Variants in STAU2 observed in about 807,000 individuals in gnomAD.
The protein encoded by STAU2 is staufen double-stranded RNA binding protein 2, also known as double-stranded RNA-binding protein Staufen homolog 2.
In STAU2, 20 loss-of-function variants were observed where a neutral mutation model predicts 65.9. The ratio of observed to expected loss-of-function variants is 0.30; its 90% CI spans 0.21 to 0.44. STAU2 has a LOEUF of 0.44. Among genes scored for constraint, STAU2 ranks in the 20% least tolerant of loss-of-function variants. STAU2 has a pLI of 1.00. For missense variants in STAU2, 558 were observed against 683.9 expected, an observed-to-expected ratio of 0.82 and a Z score of 2.05; for synonymous variants, 232 against 233.9, an observed-to-expected ratio of 0.99 and a Z score of 0.07.
rs562956321 is a variant in STAU2 at position 73,479,340 on chromosome 8, C to A, written c.1531-56638G>T. 1.4e-4 allele frequency among the ~76,000 whole-genome samples: 21 copies of A among 152,044 alleles called. No homozygotes were observed. The South Asian group carries it at 4.4e-3, about 32-fold the overall frequency. On this transcript the variant is annotated intron_variant, in intron 13 of 14. Coordinates refer to ENST00000524300, the MANE Select transcript of STAU2 (RefSeq NM_001164380.2). ...ATTATTTCTGGGTCAACTTATAAAA[C>A]GATTTCTCAGAAAGTTAAACTGAGG...
intron 13 of STAU2, among the ~76,000 whole-genome samples, chr8:73,425,791 T>C (rs1816772760): frequency 1.3e-5 from 2 of 152,188 alleles, no homozygotes; most frequent in Admixed American, 6.5e-5. Context: ...ATCACTTGTT[T>C]TTTTTCTCTC....
intron 6 of STAU2, among the ~76,000 whole-genome samples, chr8:73,649,877 A>T (rs1251322115): frequency 4.2e-5 from 5 of 120,378 alleles, no homozygotes; most frequent in East Asian, 2.3e-4. Context: ...TTTTATATAT[A>T]TATATATATA....
rs536546991 is a variant in STAU2 at position 73,633,607 on chromosome 8, A to G, written c.411-16156T>C. Among the ~76,000 whole-genome samples the G allele has an allele frequency of 3.9e-5, 6 of 152,316 alleles. No individual in the cohort carries two copies. The South Asian group carries it at 1.2e-3, about 32-fold the overall frequency. On this transcript the variant is annotated intron_variant, in intron 6 of 14. Coordinates refer to ENST00000524300, the MANE Select transcript of STAU2 (RefSeq NM_001164380.2). ...GGCGGCTACAAGATGAGGATGGGCTAGATCAGTGGTTTCATCTTTGCCTAT... is the reference window on the plus strand; with the variant it reads ...GGCGGCTACAAGATGAGGATGGGCTGGATCAGTGGTTTCATCTTTGCCTAT...
intron 13 of STAU2, among the ~76,000 whole-genome samples, chr8:73,542,533 A>G (rs1361752457): frequency 6.6e-6 from 1 of 152,156 alleles, no homozygotes; most frequent in East Asian, 1.9e-4. Context: ...GGATCACGTT[A>G]AGATAACAAA....
intron 13 of STAU2, among the ~76,000 whole-genome samples, chr8:73,535,829 A>T (rs564232971): frequency 6.6e-6 from 1 of 152,026 alleles, no homozygotes; most frequent in African/African-American, 2.4e-5. Context: ...ACTAATACAA[A>T]CTCTTCTCTC....
At chr8:73,430,139 A>C (rs1305611287) in intron 13 of STAU2, among the ~76,000 whole-genome samples, 2 of 152,188 alleles carry the variant, frequency 1.3e-5, no homozygotes, top group Non-Finnish European at 2.9e-5. Flanking sequence ...TTTCTCTGAA[A>C]ATTCTTTTTC....
chr8:73,578,817 G>A (rs1215725905), intron 12 of STAU2, among the ~76,000 whole-genome samples: 1 of 152,092 alleles, frequency 6.6e-6, no homozygotes, highest in Non-Finnish European at 1.5e-5. Flanking sequence ...ACATCCAATT[G>A]GCTCCAACTG....
At chr8:73,679,125 T>C (rs1190535305) in intron 5 of STAU2, among the ~76,000 whole-genome samples, 2 of 152,310 alleles carry the variant, frequency 1.3e-5, no homozygotes, top group East Asian at 3.9e-4. Context: ...AATGAGTAAA[T>C]GGATATATGG....
intron 6 of STAU2, among the ~76,000 whole-genome samples, chr8:73,638,256 A>C (rs994424864): frequency 2.6e-5 from 4 of 151,850 alleles, no homozygotes; most frequent in African/African-American, 9.7e-5. Context: ...ATAAAAAAGT[A>C]AAGGCTCTGA....
intron 6 of STAU2, among the ~76,000 whole-genome samples, chr8:73,670,861 TA>T (rs1020497114): frequency 1.3e-5 from 2 of 151,782 alleles, no homozygotes; most frequent in African/African-American, 4.8e-5. Flanking sequence ...GTGAGAGAAA[TA>T]AAGAAAAATC....
chr8:73,553,401 T>C (rs1230017660), intron 12 of STAU2, among the ~76,000 whole-genome samples: 3 of 152,190 alleles, frequency 2.0e-5, no homozygotes, highest in Non-Finnish European at 4.4e-5. Flanking sequence ...ATGTGTTCTA[T>C]AACATGGTCC....
At chr8:73,448,051 G>A (rs1818572433) in intron 13 of STAU2, among the ~76,000 whole-genome samples, 1 of 152,046 alleles carries the variant, frequency 6.6e-6, no homozygotes, top group South Asian at 2.1e-4. Context: ...ATTCTAGTTT[G>A]ACTTTACACT....
chr8:73,510,285 GTCTCGAACTCCCAATCTCATGT>G (rs1822313050), intron 13 of STAU2, among the ~76,000 whole-genome samples: 1 of 151,988 alleles, frequency 6.6e-6, no homozygotes, highest in Admixed American at 6.6e-5. Flanking sequence ...GGTCAGGCTG[GTCTCGAACTCCCAATCTCATGT>G]GATCCGCCCA....
At chr8:73,524,368 A>G (rs951910791) in intron 13 of STAU2, among the ~76,000 whole-genome samples, 1 of 152,130 alleles carries the variant, frequency 6.6e-6, no homozygotes, top group Non-Finnish European at 1.5e-5. Flanking sequence ...GACGCAGGGA[A>G]CAAAGAGTTC....
intron 12 of STAU2, among the ~76,000 whole-genome samples, chr8:73,557,430 T>A (rs1025065622): frequency 9.9e-5 from 15 of 152,208 alleles, no homozygotes; most frequent in African/African-American, 3.4e-4. Context: ...TAAATTTAAG[T>A]CGCTTTTCAA....
chr8:73,481,514 A>C (rs1216645076), intron 13 of STAU2, among the ~76,000 whole-genome samples: 1 of 85,228 alleles, frequency 1.2e-5, no homozygotes, highest in Non-Finnish European at 2.5e-5. Flanking sequence ...AAAACAAAAA[A>C]ACAAAAAAAA....
intron 13 of STAU2, among the ~76,000 whole-genome samples, chr8:73,443,756 G>A (rs573289270): frequency 1.3e-5 from 2 of 152,210 alleles, no homozygotes; most frequent in African/African-American, 4.8e-5. Context: ...GCTAACGTGG[G>A]AGGATTGTTT....
intron 11 of STAU2, among the ~76,000 whole-genome samples, chr8:73,585,406 G>C (rs1810292538): frequency 1.3e-5 from 2 of 152,212 alleles, no homozygotes; most frequent in South Asian, 4.1e-4. Flanking sequence ...CTTGAACCCG[G>C]GAGGCGGAGG....
At chr8:73,592,922 A>G (rs1312671055) in intron 11 of STAU2, among the ~76,000 whole-genome samples, 1 of 152,172 alleles carries the variant, frequency 6.6e-6, no homozygotes, top group African/African-American at 2.4e-5. Flanking sequence ...ACACTCATCA[A>G]AAGTCTTATT....
Sources: gnomAD v4.1 joint callset for allele counts (sites outside exome capture counted in the v4.1 genomes callset) on GRCh38, gnomAD v4.1.1 for gene constraint, MANE v1.5 for transcripts, NCBI Gene and HGNC (gene_info 2026-07-23, HGNC 2026-07-21) for gene names.